The following MYO1D variants were observed in gnomAD, a reference collection of about 807,000 sequenced individuals.
MYO1D encodes the protein unconventional myosin-Id.
MYO1D carries 83 observed loss-of-function variants against 122.0 expected under a neutral mutation model. The ratio of observed to expected loss-of-function variants is 0.68; its 90% CI spans 0.57 to 0.82. The LOEUF (loss-of-function observed/expected upper bound fraction) is 0.82, where lower values mean the gene tolerates loss of function less well. Ranked by LOEUF, MYO1D falls within the 40% of genes least tolerant of loss-of-function variation. MYO1D has a pLI of 0.00. For synonymous variants in MYO1D, 464 were observed against 446.9 expected, an observed-to-expected ratio of 1.04 and a Z score of -0.48; for missense variants, 1,157 against 1,269.5, an observed-to-expected ratio of 0.91 and a Z score of 1.35.
chr17:32,868,022 T>C (rs58041190), intron 1 of MYO1D, among the ~76,000 whole-genome samples: 203 of 151,970 alleles, frequency 1.3e-3, no homozygotes, highest in African/African-American at 4.6e-3. Context: ...CAGAATAAAA[T>C]AGTTTAGAAA....
Position 32,719,153 on chromosome 17 carries a change from A to G in MYO1D, c.1913+1870T>C, listed in dbSNP as rs530357699. ...CTTACCTAGATGCTCAAGCCAAAAT[A>G]TAATTTTCATCCTTCATTCCTCTTT... On this transcript the variant is annotated intron_variant, in intron 15 of 21. Coordinates refer to ENST00000318217, the MANE Select transcript of MYO1D (RefSeq NM_015194.3). Among the ~76,000 whole-genome samples, 17 of 152,332 alleles carry G rather than the reference A, an allele frequency of 1.1e-4. No homozygotes were observed. The South Asian group carries it at 3.5e-3, about 32-fold the overall frequency.
chr17:32,767,742 T>C lies in MYO1D; in HGVS notation c.725A>G (p.Asn242Ser), dbSNP rs143424916. The C allele has an allele frequency of 5.1e-5, 82 of 1,611,370 alleles. No individual in the cohort carries two copies. The highest frequency in any genetic ancestry group is 5.1e-4 in the African/African-American group (38 of 74,988). The part of the protein sequence containing the change: ...HVGAQLKSSI[N>S]DAAEFRVVAD... ...AACAACTCTGAATTCGGCAGCATCA[T>C]TGATAGAAGACTGGGGATGAAAATG... The change falls in exon 7 of 22, where the codon AAT (asparagine) becomes AGT (serine). Residue 242 changes from asparagine to serine, a missense_variant. Transcript: ENST00000318217.
At chr17:32,541,500 T>C (rs1293093109) in intron 21 of MYO1D, among the ~76,000 whole-genome samples, 3 of 152,246 alleles carry the variant, frequency 2.0e-5, no homozygotes, top group Non-Finnish European at 4.4e-5. Flanking sequence ...AAATTGATTA[T>C]GGTCATAGTT....
At chr17:32,651,168 G>A (rs2088382349) in intron 19 of MYO1D, among the ~76,000 whole-genome samples, 1 of 152,180 alleles carries the variant, frequency 6.6e-6, no homozygotes, top group Admixed American at 6.5e-5. Context: ...TCTATTCGGT[G>A]CCTCATAAAT....
chr17:32,755,765 G>A lies in MYO1D; in HGVS notation c.1297-103C>T, dbSNP rs1350996737. The stretch of plus-strand genomic sequence containing the variant: ...TCAGGAGTTCAGGTAAAACTACTTT[G>A]GTGTCAAATGTGTGAATAACATTAA... On this transcript the variant is annotated intron_variant, in intron 10 of 21. Transcript: ENST00000318217. 6.3e-6 allele frequency: 6 copies of A among 945,200 alleles called. No homozygotes were observed. The African/African-American group carries it at 6.7e-5, about 10-fold the overall frequency. 58.6% of individuals were successfully genotyped at this position (945,200 alleles called of 1,614,324 possible). A position where few individuals can be genotyped will look rare whatever the true frequency, so the allele number is the denominator to read the frequency against.
At chr17:32,806,102 CA>C (rs372438618) in intron 1 of MYO1D, among the ~76,000 whole-genome samples, 5 of 151,938 alleles carry the variant, frequency 3.3e-5, no homozygotes, top group African/African-American at 9.7e-5. Context: ...ACCAAAAATA[CA>C]AAAAAATTAG....
At chr17:32,788,765 A>AT (rs921259332) in intron 1 of MYO1D, among the ~76,000 whole-genome samples, 12 of 150,970 alleles carry the variant, frequency 7.9e-5, no homozygotes, top group Non-Finnish European at 1.2e-4. Context: ...GAATTTTAGG[A>AT]TTTTTTTTCC....
chr17:32,646,502 G>A (rs994827394), intron 19 of MYO1D, among the ~76,000 whole-genome samples: 8 of 151,906 alleles, frequency 5.3e-5, no homozygotes, highest in Non-Finnish European at 7.4e-5. Flanking sequence ...AGTCATGCAC[G>A]TCATCTTTTG....
At chr17:32,762,519 C>T (rs577473537) in intron 8 of MYO1D, among the ~76,000 whole-genome samples, 5 of 152,256 alleles carry the variant, frequency 3.3e-5, no homozygotes, top group African/African-American at 1.2e-4. Context: ...GACCTCTTTG[C>T]TTCCATTCTT....
intron 20 of MYO1D, among the ~76,000 whole-genome samples, chr17:32,631,818 A>C (rs1251769948): frequency 6.6e-6 from 1 of 152,210 alleles, no homozygotes; most frequent in Non-Finnish European, 1.5e-5. Flanking sequence ...GTGAAGTGTC[A>C]CAAGACAGAA....
chr17:32,618,348 T>C (rs1037654253), intron 20 of MYO1D, among the ~76,000 whole-genome samples: 2 of 152,184 alleles, frequency 1.3e-5, no homozygotes, highest in Non-Finnish European at 2.9e-5. Context: ...CCCTTGATTT[T>C]AACAGCTTGA....
chr17:32,646,422 G>T (rs1222000397), intron 19 of MYO1D, among the ~76,000 whole-genome samples: 1 of 151,766 alleles, frequency 6.6e-6, no homozygotes, highest in Non-Finnish European at 1.5e-5. Flanking sequence ...TCACAGCCTG[G>T]GCAACAGAAG....
At chr17:32,669,279 C>G (rs1248342934) in intron 16 of MYO1D, among the ~76,000 whole-genome samples, 1 of 152,208 alleles carries the variant, frequency 6.6e-6, no homozygotes, top group Non-Finnish European at 1.5e-5. Flanking sequence ...TAAGAACACT[C>G]TCACCACCAG....
At chr17:32,680,832 G>C (rs867405792) in intron 16 of MYO1D, among the ~76,000 whole-genome samples, 4 of 152,270 alleles carry the variant, frequency 2.6e-5, no homozygotes, top group African/African-American at 9.6e-5. Context: ...AATGGTACCA[G>C]TTCCTCCTTG....
intron 16 of MYO1D, among the ~76,000 whole-genome samples, chr17:32,664,279 G>T (rs908969858): frequency 3.3e-5 from 5 of 152,152 alleles, no homozygotes; most frequent in Non-Finnish European, 7.3e-5. Context: ...CCCACCAAGG[G>T]TCTGCAGCTT....
Position 32,734,050 on chromosome 17 carries a change from C to T in MYO1D, c.1746+4203G>A, listed in dbSNP as rs547399767. Among the ~76,000 whole-genome samples the T allele has an allele frequency of 2.0e-5, 3 of 152,282 alleles. No homozygotes were observed. The South Asian group carries it at 6.2e-4, about 32-fold the overall frequency. Reference sequence around the variant, plus strand: ...TGAGTAGTTGCCTCTCTTCTTCCCACCCTCCAAAACAGTTTCCATATGATA... The same window carrying T: ...TGAGTAGTTGCCTCTCTTCTTCCCATCCTCCAAAACAGTTTCCATATGATA... On this transcript the variant is annotated intron_variant, in intron 14 of 21. Transcript: ENST00000318217.
chr17:32,749,350 A>G (rs758121669), intron 11 of MYO1D, among the ~76,000 whole-genome samples: 1 of 152,240 alleles, frequency 6.6e-6, no homozygotes, highest in East Asian at 1.9e-4. Context: ...TGCAGAGGGT[A>G]GTCCCTAAGG....
At chr17:32,738,768 G>A (rs1165572120) in intron 13 of MYO1D, among the ~76,000 whole-genome samples, 1 of 151,958 alleles carries the variant, frequency 6.6e-6, no homozygotes, top group Non-Finnish European at 1.5e-5. Context: ...GATCCTCAAT[G>A]TCACAGCAGA....
chr17:32,791,363 C>CAAAAAAAAA (rs60741553), intron 1 of MYO1D, among the ~76,000 whole-genome samples: 2 of 49,492 alleles, frequency 4.0e-5, no homozygotes, highest in Admixed American at 2.0e-4. Context: ...GACTCCGTCT[C>CAAAAAAAAA]AAAAAAAAAA....
Sources: allele counts gnomAD v4.1 joint callset (sites outside exome capture counted in the v4.1 genomes callset), GRCh38; gene constraint gnomAD v4.1.1; transcripts MANE v1.5; gene names NCBI Gene and HGNC (gene_info 2026-07-23, HGNC 2026-07-21).